The following FOCAD variants were observed in gnomAD, a reference collection of about 807,000 sequenced individuals.
FOCAD encodes the protein focadhesin, also known as KIAA1797.
In FOCAD, 198 loss-of-function variants were observed where a neutral mutation model predicts 225.6. That is an observed-to-expected ratio of 0.88 (90% CI 0.78 to 0.99). The LOEUF is 0.99. FOCAD is among the 50% of genes least tolerant of loss of function. The pLI, the probability that FOCAD is intolerant of heterozygous loss-of-function variation, is 0.00. For synonymous variants in FOCAD, 897 were observed against 755.0 expected (o/e 1.19, Z -3.08); for missense variants, 2,713 against 2,123.6 (o/e 1.28, Z -5.46).
chr9:20,723,713 C>G (rs1007094745), intron 4 of FOCAD, among the ~76,000 whole-genome samples: 1 of 152,052 alleles, frequency 6.6e-6, no homozygotes, highest in African/African-American at 2.4e-5. Flanking sequence ...AAATAGTAGC[C>G]TATTACATAG....
rs1825248895 is a variant in FOCAD at position 20,715,401 on chromosome 9, C to A, written c.48C>A (p.Ile16=). 1 of 1,514,818 alleles carries A rather than the reference C, an allele frequency of 6.6e-7. No individual in the cohort carries two copies. Among genetic ancestry groups the A allele is most frequent in the Non-Finnish European group, 8.9e-7 (1 of 1,123,834 alleles). 93.8% of individuals were successfully genotyped at this position (1,514,818 alleles called of 1,614,324 possible). A position where few individuals can be genotyped will look rare whatever the true frequency, so the allele number is the denominator to read the frequency against. ...GGTTTGAATTTCCAAATTCTCTTATCCAATCACAGGTAATTTTGTTTGTTT... is the reference window on the plus strand; with the variant it reads ...GGTTTGAATTTCCAAATTCTCTTATACAATCACAGGTAATTTTGTTTGTTT... The part of the protein sequence containing the change: ...RKRFEFPNSL[I]QSQAVGHLIA... Residue 16 remains isoleucine (I), a synonymous_variant, in exon 2 of 44, where the codon ATC becomes ATA. Coordinates refer to ENST00000338382, the MANE Select transcript of FOCAD (RefSeq NM_001375567.1).
At position 20,769,988 on chromosome 9, in the gene FOCAD, G is replaced by T. The variant is rs7860490; in HGVS notation, c.700-44G>T. On this transcript the variant is annotated intron_variant, in intron 7 of 43. Transcript: ENST00000338382. ...TTTGTGTACTTTAAAATTATCTTTT[G>T]GTTTGTGTATTTTTTAATATCATAT... 0.22 allele frequency: 337,495 copies of T among 1,515,270 alleles called. 42,386 individuals carry two copies. The highest frequency in any genetic ancestry group is 0.49 in the East Asian group (21,490 of 44,126). The allele number at this position is 1,515,270 out of a possible 1,614,324, so 93.9% of individuals were successfully genotyped here.
intron 11 of FOCAD, among the ~76,000 whole-genome samples, chr9:20,803,678 G>A (rs1309412280): frequency 6.6e-6 from 1 of 152,104 alleles, no homozygotes; most frequent in African/African-American, 2.4e-5. Context: ...TTCTGTTAGA[G>A]AGTATCTCAC....
chr9:20,920,928 C>G (rs1350082557), intron 24 of FOCAD, among the ~76,000 whole-genome samples: 1 of 150,606 alleles, frequency 6.6e-6, no homozygotes, highest in Non-Finnish European at 1.5e-5. Context: ...CTAACCTGCA[C>G]ATTGTGCACA....
At chr9:20,676,180 T>G (rs1822227495) in intron 2 of FOCAD, among the ~76,000 whole-genome samples, 2 of 152,186 alleles carry the variant, frequency 1.3e-5, no homozygotes, top group African/African-American at 2.4e-5. Flanking sequence ...GCAGAAAGTG[T>G]TTGAATCTAT....
chr9:20,694,453 ACT>A lies in FOCAD; in HGVS notation c.-33+10165_-33+10166del, dbSNP rs375659636. On this transcript the variant is annotated intron_variant, in intron 1 of 43. Coordinates refer to ENST00000338382, the MANE Select transcript of FOCAD (RefSeq NM_001375567.1). The stretch of plus-strand genomic sequence containing the variant: ...ATGAATGATTATGAATAAAAATGAT[ACT>A]CTCTATATGTCTCAGCCTCCAATTT... 238 of 152,198 alleles carry A rather than the reference ACT, an allele frequency of 1.6e-3. 2 individuals are homozygous for A. The highest frequency in any genetic ancestry group is 5.2e-3 in the African/African-American group (218 of 41,562). 9.4% of individuals were successfully genotyped at this position (152,198 alleles called of 1,614,324 possible).
In FOCAD at chr9:20,720,366, T is replaced by C; in HGVS notation, c.133-14T>C. 1 of 1,613,288 alleles carries C rather than the reference T, an allele frequency of 6.2e-7. No individual in the cohort carries two copies. The highest frequency in any genetic ancestry group is 8.5e-7 in the Non-Finnish European group (1 of 1,179,460). On this transcript the variant is annotated splice_polypyrimidine_tract_variant and intron_variant, in intron 3 of 43. Transcript: ENST00000338382. Reference sequence around the variant, plus strand: ...CTCATCAGAATTGTCTTCTAATCACTGGTTTGGTTTCAGACTCCTGCTTTG... The same window carrying C: ...CTCATCAGAATTGTCTTCTAATCACCGGTTTGGTTTCAGACTCCTGCTTTG...
chr9:20,877,041 C>T (rs1830281841), intron 19 of FOCAD, among the ~76,000 whole-genome samples: 1 of 152,054 alleles, frequency 6.6e-6, no homozygotes, highest in Non-Finnish European at 1.5e-5. Context: ...CCTTTTTTGA[C>T]CTGGTGCTCT....
Position 20,789,599 on chromosome 9 carries a change from T to C in FOCAD, c.1446T>C (p.Asp482=). The C allele has an allele frequency of 6.2e-7, 1 of 1,613,880 alleles. No homozygotes were observed. ...TCACTACAGAATTAGCCCAAGCAGA[T>C]TCCTCCCAGGTAAAGCAAGAGAATA... is the stretch of plus-strand genomic sequence containing the variant. ...LKVTTELAQA[D]SSQVPNLIPV... Residue 482 remains aspartate (D), a synonymous_variant, in exon 11 of 44, where the codon GAT becomes GAC. Transcript: ENST00000338382.
At chr9:20,967,720 A>G (rs118108268) in intron 35 of FOCAD, among the ~76,000 whole-genome samples, 20 of 152,200 alleles carry the variant, frequency 1.3e-4, no homozygotes, top group Admixed American at 2.0e-4. Flanking sequence ...TTCTGTGTCA[A>G]TTGAAATAGT....
At chr9:20,662,337 C>T (rs1011444325) in intron 2 of FOCAD, among the ~76,000 whole-genome samples, 20 of 152,300 alleles carry the variant, frequency 1.3e-4, no homozygotes, top group Middle Eastern at 3.4e-3. Flanking sequence ...CTCCAGCTGT[C>T]AGCTCCTTTA....
intron 28 of FOCAD, among the ~76,000 whole-genome samples, chr9:20,938,507 C>A (rs1836251103): frequency 6.6e-6 from 1 of 151,500 alleles, no homozygotes; most frequent in Non-Finnish European, 1.5e-5. Context: ...CATGTTCTCA[C>A]TCATAGGTGG....
chr9:20,772,288 C>G (rs1200199046), intron 8 of FOCAD, among the ~76,000 whole-genome samples: 2 of 152,104 alleles, frequency 1.3e-5, no homozygotes, highest in Middle Eastern at 3.2e-3. Context: ...ATGGATCATA[C>G]ATCGTTGGAT....
intron 1 of FOCAD, among the ~76,000 whole-genome samples, chr9:20,701,060 C>G (rs973976024): frequency 6.6e-6 from 1 of 152,176 alleles, no homozygotes; most frequent in Non-Finnish European, 1.5e-5. Context: ...ACAAGAATGT[C>G]TTGAGGAGTG....
At chr9:20,712,677 A>C (rs997965897) in intron 1 of FOCAD, among the ~76,000 whole-genome samples, 1 of 150,342 alleles carries the variant, frequency 6.7e-6, no homozygotes, top group Non-Finnish European at 1.5e-5. Context: ...AGAAAAAAAA[A>C]GTTGCTCAGA....
At chr9:20,878,520 T>C (rs563759729) in intron 19 of FOCAD, among the ~76,000 whole-genome samples, 10 of 152,198 alleles carry the variant, frequency 6.6e-5, no homozygotes, top group African/African-American at 2.2e-4. Context: ...ACATAACTTA[T>C]CACAACCCCT....
intron 21 of FOCAD, among the ~76,000 whole-genome samples, chr9:20,892,313 T>C (rs535859399): frequency 6.6e-6 from 1 of 152,194 alleles, no homozygotes; most frequent in Non-Finnish European, 1.5e-5. Context: ...TTTGTAAGGC[T>C]ATAGCTGGCA....
intron 21 of FOCAD, 64 bp downstream of exon 21, chr9:20,885,294 G>C: frequency 1.5e-6 from 2 of 1,314,956 alleles, no homozygotes; most frequent in Non-Finnish European, 2.0e-6. Context: ...TGTTTAAGAA[G>C]TTGTTTGTTT....
chr9:20,915,006 C>T (rs1833755541), intron 23 of FOCAD, among the ~76,000 whole-genome samples: 1 of 152,110 alleles, frequency 6.6e-6, no homozygotes, highest in Non-Finnish European at 1.5e-5. Context: ...ATCAAAGATA[C>T]TCCAAGATTT....
Sources: allele counts gnomAD v4.1 joint callset (sites outside exome capture counted in the v4.1 genomes callset), GRCh38; gene constraint gnomAD v4.1.1; transcripts MANE v1.5; gene names NCBI Gene and HGNC (gene_info 2026-07-23, HGNC 2026-07-21).